The following KDM5A variants were observed in gnomAD, a reference collection of about 807,000 sequenced individuals.
KDM5A encodes the protein lysine-specific demethylase 5A.
A neutral mutation model predicts 193.5 loss-of-function variants in KDM5A; 42 were observed. The observed-to-expected ratio is 0.22, with a 90% confidence interval of 0.17 to 0.28. The LOEUF is 0.28. Ranked by LOEUF, KDM5A falls within the 10% of genes least tolerant of loss-of-function variation. The pLI is 1.00. For synonymous variants in KDM5A, 796 were observed against 718.1 expected (o/e 1.11, Z -1.73); for missense variants, 1,692 against 2,055.1 (o/e 0.82, Z 3.42).
Position 285,310 on chromosome 12 carries a change from A to G in KDM5A, c.*146T>C, listed in dbSNP as rs1943206654. ...AATGTAACCCACAGAGTCCATGCAA[A>G]GAGGAAGCCAGCACTAAGGGGACTT... On this transcript the variant is annotated 3_prime_UTR_variant, in exon 28 of 28. Coordinates refer to ENST00000399788, the MANE Select transcript of KDM5A (RefSeq NM_001042603.3). 4.4e-6 allele frequency: 3 copies of G among 682,130 alleles called. No individual in the cohort carries two copies. Among genetic ancestry groups the G allele is most frequent in the South Asian group, 3.6e-5 (2 of 55,316 alleles). 42.3% of individuals were successfully genotyped at this position (682,130 alleles called of 1,614,324 possible). A position where few individuals can be genotyped will look rare whatever the true frequency, so the allele number is the denominator to read the frequency against.
At chr12:376,708 G>A (rs1056174750) in intron 3 of KDM5A, among the ~76,000 whole-genome samples, 1 of 152,086 alleles carries the variant, frequency 6.6e-6, no homozygotes, top group African/African-American at 2.4e-5. Context: ...GTTCCTATTC[G>A]GCCATCTTGG....
chr12:340,551 T>A (rs934403822), intron 10 of KDM5A, among the ~76,000 whole-genome samples: 4 of 151,738 alleles, frequency 2.6e-5, no homozygotes, highest in Non-Finnish European at 5.9e-5. Context: ...AAAAATTAGC[T>A]GGGCATGGTG....
At chr12:358,741 A>T (rs1304550517) in intron 5 of KDM5A, among the ~76,000 whole-genome samples, 4 of 152,170 alleles carry the variant, frequency 2.6e-5, no homozygotes, top group African/African-American at 9.7e-5. Flanking sequence ...TGGGAGGCTG[A>T]GGCGGGTGGA....
intron 12 of KDM5A, chr12:333,201 T>A (rs1943884896): frequency 2.3e-6 from 1 of 428,192 alleles, no homozygotes; most frequent in Non-Finnish European, 4.4e-6. Flanking sequence ...GGAAGACTGC[T>A]TGAGCTCAGG....
rs1192462705 is a variant in KDM5A, at chr12:284,189, ACT to A, written c.*1265_*1266del. Reference sequence around the variant, plus strand: ...CCCCAAATGGATTTTTGATGTTGAAACTCTGTCATATGCTGCTGGTAACAGTA... The same window carrying A: ...CCCCAAATGGATTTTTGATGTTGAAACTGTCATATGCTGCTGGTAACAGTA... On this transcript the variant is annotated 3_prime_UTR_variant, in exon 28 of 28. Coordinates refer to ENST00000399788, the MANE Select transcript of KDM5A (RefSeq NM_001042603.3). 6 of 228,548 alleles carry A rather than the reference ACT, an allele frequency of 2.6e-5. No individual in the cohort carries two copies. The highest frequency in any genetic ancestry group is 4.3e-5 in the Non-Finnish European group (5 of 115,142). The allele number at this position is 228,548 out of a possible 1,614,324, so 14.2% of individuals were successfully genotyped here. A position where few individuals can be genotyped will look rare whatever the true frequency, so the allele number is the denominator to read the frequency against.
rs745452537 is a variant in KDM5A, at chr12:318,464, G to A, written c.2542-3C>T. 10 of 1,603,024 alleles carry A rather than the reference G, an allele frequency of 6.2e-6. No individual in the cohort carries two copies. In the African/African-American group the frequency reaches 1.3e-4, roughly 21 times the overall value. On this transcript the variant is annotated splice_polypyrimidine_tract_variant and splice_region_variant and intron_variant, in intron 18 of 27. Transcript: ENST00000399788. ...TCTTCCACATCATCTAGCAGATTCTGAAAAGGTCAAAAGAAATAAAAATCA... is the reference window on the plus strand; with the variant it reads ...TCTTCCACATCATCTAGCAGATTCTAAAAAGGTCAAAAGAAATAAAAATCA...
intron 20 of KDM5A, among the ~76,000 whole-genome samples, chr12:311,453 G>A (rs1943585538): frequency 6.6e-6 from 1 of 151,890 alleles, no homozygotes; most frequent in East Asian, 1.9e-4. Context: ...AGACCAGCCT[G>A]GCCAACATGG....
chr12:308,060 T>C (rs1415125271), intron 22 of KDM5A, 55 bp from the exon 23 acceptor site: 5 of 1,531,400 alleles, frequency 3.3e-6, no homozygotes, highest in Non-Finnish European at 4.5e-6. Flanking sequence ...CCCCCCAAAA[T>C]ACCAAATCCT....
intron 27 of KDM5A, 48 bp from the exon 28 acceptor site, chr12:285,710 C>G: frequency 6.4e-7 from 1 of 1,553,834 alleles, no homozygotes; most frequent in Non-Finnish European, 8.9e-7. Flanking sequence ...AAACATTAAG[C>G]CTAGAATAAA....
At chr12:364,998 T>C (rs193158181) in intron 4 of KDM5A, among the ~76,000 whole-genome samples, 4 of 152,198 alleles carry the variant, frequency 2.6e-5, no homozygotes, top group Admixed American at 6.5e-5. Flanking sequence ...GGTATATCCA[T>C]TCAATGGAAT....
At chr12:318,647 TCTC>T (rs1943679954) in intron 18 of KDM5A, among the ~76,000 whole-genome samples, 186 bp from the exon 19 acceptor site, 1 of 152,234 alleles carries the variant, frequency 6.6e-6, no homozygotes, top group Non-Finnish European at 1.5e-5. Flanking sequence ...TTCTAGCTAT[TCTC>T]CTACTTTTAA....
intron 24 of KDM5A, among the ~76,000 whole-genome samples, chr12:299,286 G>C (rs1479084972): frequency 6.6e-6 from 1 of 152,114 alleles, no homozygotes; most frequent in East Asian, 1.9e-4. Context: ...AAGTGTTAAG[G>C]GCAGCCAGAG....
chr12:339,173 C>T (rs1026067515), intron 10 of KDM5A, among the ~76,000 whole-genome samples: 3 of 132,880 alleles, frequency 2.3e-5, no homozygotes, highest in African/African-American at 8.4e-5. Context: ...AGCGAAACCC[C>T]ATCTCAAAAA....
chr12:383,994 G>A (rs1018164077), intron 3 of KDM5A, 37 bp downstream of exon 3: 14 of 1,604,010 alleles, frequency 8.7e-6, no homozygotes, highest in Middle Eastern at 1.7e-4. Flanking sequence ...AAATTCACAA[G>A]CCTGTGCTCT....
At chr12:343,996 G>A (rs560111847) in intron 10 of KDM5A, among the ~76,000 whole-genome samples, 6 of 152,272 alleles carry the variant, frequency 3.9e-5, no homozygotes, top group Admixed American at 6.5e-5. Flanking sequence ...CAAACCCATC[G>A]CAAGGAAGCT....
At chr12:330,838 G>C (rs1174684609) in intron 13 of KDM5A, among the ~76,000 whole-genome samples, 1 of 152,070 alleles carries the variant, frequency 6.6e-6, no homozygotes, top group Non-Finnish European at 1.5e-5. Flanking sequence ...GGTGCCAGCA[G>C]AAAACATTAA....
At chr12:329,053 A>G (rs377138591) in intron 13 of KDM5A, 24 bp from the exon 14 acceptor site, 2 of 1,603,046 alleles carry the variant, frequency 1.2e-6, no homozygotes, top group African/African-American at 2.7e-5. Flanking sequence ...TTCCAAATTA[A>G]ATAACTCGCT....
At chr12:373,205 G>A (rs1944454816) in intron 3 of KDM5A, among the ~76,000 whole-genome samples, 1 of 152,190 alleles carries the variant, frequency 6.6e-6, no homozygotes, top group South Asian at 2.1e-4. Flanking sequence ...GAATTTGGCT[G>A]TGAATCTATC....
chr12:298,771 C>G (rs886373630), intron 24 of KDM5A, among the ~76,000 whole-genome samples: 4 of 152,014 alleles, frequency 2.6e-5, no homozygotes, highest in African/African-American at 9.7e-5. Context: ...GGACCATGTT[C>G]TAACCCAATA....
Sources: gnomAD v4.1 joint callset for allele counts (sites outside exome capture counted in the v4.1 genomes callset) on GRCh38, gnomAD v4.1.1 for gene constraint, MANE v1.5 for transcripts, NCBI Gene and HGNC (gene_info 2026-07-23, HGNC 2026-07-21) for gene names.